Variants in ALS2 observed in about 807,000 individuals in gnomAD.
ALS2 encodes alsin Rho guanine nucleotide exchange factor ALS2.
ALS2 carries 117 observed loss-of-function variants against 203.4 expected under a neutral mutation model. The observed-to-expected ratio is 0.58, with a 90% CI of 0.50 to 0.67. ALS2 has a LOEUF of 0.67. Among genes scored for constraint, ALS2 ranks in the 30% least tolerant of loss-of-function variants. The probability of loss-of-function intolerance (pLI) is 0.00; values close to 1 mark genes in which losing one functional copy is unlikely to be tolerated. For missense variants in ALS2, 1,715 were observed against 1,989.4 expected, an observed-to-expected ratio of 0.86 and a Z score of 2.62; for synonymous variants, 718 against 725.9, an observed-to-expected ratio of 0.99 and a Z score of 0.17.
intron 25 of ALS2, among the ~76,000 whole-genome samples, chr2:201,713,481 G>A (rs773242497): frequency 5.9e-5 from 9 of 152,140 alleles, no homozygotes; most frequent in Non-Finnish European, 1.3e-4. Context: ...ACAAGTCCAT[G>A]AGGCTGTGTT....
At chr2:201,720,310 A>C (rs1192681450) in intron 23 of ALS2, among the ~76,000 whole-genome samples, 1 of 152,172 alleles carries the variant, frequency 6.6e-6, no homozygotes, top group African/African-American at 2.4e-5. Flanking sequence ...AGGTTGGTTT[A>C]ACATCAGACA....
intron 13 of ALS2, among the ~76,000 whole-genome samples, chr2:201,730,145 C>T (rs898143153): frequency 6.6e-6 from 1 of 152,124 alleles, no homozygotes; most frequent in Non-Finnish European, 1.5e-5. Context: ...TATATTAAAA[C>T]TTGCTATGTG....
At chr2:201,741,484 T>A in intron 11 of ALS2, 190 bp downstream of exon 11, 1 of 601,970 alleles carries the variant, frequency 1.7e-6, no homozygotes, top group South Asian at 2.0e-5. Context: ...ATTTTTAAAT[T>A]TTTTTTCATT....
chr2:201,722,673 A>G, intron 23 of ALS2: 1 of 202,298 alleles, frequency 4.9e-6, no homozygotes, highest in Non-Finnish European at 1.0e-5. Context: ...ACATGCCACA[A>G]TATGGAAAAA....
At chr2:201,748,454 T>TA (rs1692814696) in intron 8 of ALS2, among the ~76,000 whole-genome samples, 1 of 152,104 alleles carries the variant, frequency 6.6e-6, no homozygotes, top group African/African-American at 2.4e-5. Context: ...CTTCCTCAAA[T>TA]AAAAAAACCA....
At chr2:201,778,590 T>C (rs1157629633) in intron 1 of ALS2, 1 of 152,200 alleles carries the variant, frequency 6.6e-6, no homozygotes, top group Non-Finnish European at 1.5e-5. Context: ...GCTATTTTAT[T>C]GATGACTACC....
At chr2:201,707,358 G>T (rs1286330646) in intron 28 of ALS2, among the ~76,000 whole-genome samples, 1 of 152,048 alleles carries the variant, frequency 6.6e-6, no homozygotes, top group African/African-American at 2.4e-5. Context: ...ATCTGTGGTT[G>T]CTTTTTCCTG....
Position 201,715,667 on chromosome 2 carries a change from C to T in ALS2, c.4004+5G>A. 6.2e-7 allele frequency: 1 copy of T among 1,614,160 alleles called. No homozygotes were observed. The highest frequency in any genetic ancestry group is 1.1e-5 in the South Asian group (1 of 91,088). ...CTGCTGTATGTTGAGCAGGTGTTCA[C>T]TCACCTGTCTCTGTGCTGGCGCCGA... is the stretch of plus-strand genomic sequence containing the variant. On this transcript the variant is annotated splice_donor_5th_base_variant and intron_variant, in intron 25 of 33. Transcript: ENST00000264276.
intron 4 of ALS2, chr2:201,760,625 AT>A (rs1693702581): frequency 7.8e-7 from 1 of 1,278,966 alleles, no homozygotes; most frequent in South Asian, 2.6e-5. Context: ...AGAAAAAAAA[AT>A]GAAATGCTCC....
intron 8 of ALS2, 53 bp downstream of exon 8, chr2:201,749,659 G>T (rs1458990548): frequency 7.3e-7 from 1 of 1,376,008 alleles, no homozygotes. Flanking sequence ...AGAAGTATAA[G>T]GTGTTACAGC....
chr2:201,716,702 G>A (rs2192764), intron 24 of ALS2: 88,574 of 144,392 alleles, frequency 0.61, 27,711 homozygotes, highest in Admixed American at 0.7. Flanking sequence ...GTGACAAAGT[G>A]AGACTCCATC....
chr2:201,732,733 T>C (rs1006238127), intron 13 of ALS2, among the ~76,000 whole-genome samples: 1 of 152,224 alleles, frequency 6.6e-6, no homozygotes, highest in African/African-American at 2.4e-5. Context: ...ATCTATATCC[T>C]AGTGTGGTGC....
At chr2:201,755,036 T>C (rs1693294970) in intron 5 of ALS2, among the ~76,000 whole-genome samples, 2 of 152,204 alleles carry the variant, frequency 1.3e-5, no homozygotes, top group African/African-American at 4.8e-5. Context: ...CTATAGAACT[T>C]GTATTCTAAA....
intron 12 of ALS2, among the ~76,000 whole-genome samples, chr2:201,737,292 A>T (rs1411654021): frequency 6.6e-6 from 1 of 152,190 alleles, no homozygotes; most frequent in Non-Finnish European, 1.5e-5. Flanking sequence ...TATATCAGGG[A>T]CTTGAACATC....
intron 5 of ALS2, among the ~76,000 whole-genome samples, chr2:201,755,787 A>C (rs1693346112): frequency 6.6e-6 from 1 of 152,222 alleles, no homozygotes; most frequent in Non-Finnish European, 1.5e-5. Flanking sequence ...CATCTTTTAT[A>C]GTGTTCAAAA....
chr2:201,718,097 A>C lies in ALS2; in HGVS notation c.3816T>G (p.Asp1272Glu). 1 of 1,613,754 alleles carries C rather than the reference A, an allele frequency of 6.2e-7. No individual in the cohort carries two copies. The highest frequency in any genetic ancestry group is 1.1e-5 in the South Asian group (1 of 91,068). The change falls in exon 24 of 34, where the codon GAT (aspartate) becomes GAG (glutamate). Residue 1272 changes from aspartate (D) to glutamate (E), a missense_variant. Coordinates refer to ENST00000264276, the MANE Select transcript of ALS2 (RefSeq NM_020919.4). ...CTCACAAAACTTTAGGTCTGTCTTT[A>C]TCACTCTCATATAGACTAGGTTTGA... ...TYFKPSLYES[D>E]KDRPKVFRKL...
At chr2:201,756,150 T>C (rs1693371253) in intron 5 of ALS2, among the ~76,000 whole-genome samples, 1 of 152,118 alleles carries the variant, frequency 6.6e-6, no homozygotes, top group South Asian at 2.1e-4. Context: ...GATGTAATGA[T>C]ATGAAAAAAT....
rs766178393 is a variant in ALS2 at position 201,768,887 on chromosome 2, G to A, written c.-2C>T. ...TTACCTTCTCTTCTTTGAGTCCATC[G>A]GTCAGTGGGAACACTCCATCACCAA... On this transcript the variant is annotated 5_prime_UTR_variant, in exon 2 of 34. Transcript: ENST00000264276. The A allele has an allele frequency of 5.0e-6, 8 of 1,613,066 alleles. No individual in the cohort carries two copies. The highest frequency in any genetic ancestry group is 6.8e-6 in the Non-Finnish European group (8 of 1,179,498).
chr2:201,719,451 C>T (rs1690618569), intron 23 of ALS2, among the ~76,000 whole-genome samples: 1 of 151,990 alleles, frequency 6.6e-6, no homozygotes, highest in East Asian at 1.9e-4. Context: ...TAGCTGGGCA[C>T]GGTGGCACGT....
Sources: allele counts gnomAD v4.1 joint callset (sites outside exome capture counted in the v4.1 genomes callset), GRCh38; gene constraint gnomAD v4.1.1; transcripts MANE v1.5; gene names NCBI Gene and HGNC (gene_info 2026-07-23, HGNC 2026-07-21).